EYA1: variants seen among roughly 807,000 people sequenced by gnomAD.
EYA1 encodes the protein protein phosphatase EYA1.
In EYA1, 16 loss-of-function variants were observed where a neutral mutation model predicts 82.0. That is an observed-to-expected ratio of 0.20 (90% CI 0.13 to 0.30). The LOEUF (loss-of-function observed/expected upper bound fraction) is 0.30. EYA1 is among the 10% of genes least tolerant of loss of function. The probability of loss-of-function intolerance (pLI) is 1.00; values close to 1 mark genes in which losing one functional copy is unlikely to be tolerated. For synonymous variants in EYA1, 261 were observed against 264.4 expected (o/e 0.99, Z 0.12); for missense variants, 633 against 730.7 (o/e 0.87, Z 1.54).
intron 9 of EYA1, among the ~76,000 whole-genome samples, chr8:71,276,682 T>G (rs1817216564): frequency 6.6e-6 from 1 of 152,204 alleles, no homozygotes; most frequent in Non-Finnish European, 1.5e-5. Context: ...AGGCTCGTCT[T>G]CCACCTATTT....
intron 2 of EYA1, among the ~76,000 whole-genome samples, chr8:71,356,196 T>C (rs1252999325): frequency 6.6e-6 from 1 of 152,168 alleles, no homozygotes; most frequent in Non-Finnish European, 1.5e-5. Flanking sequence ...TGGTCTAAAA[T>C]CCAATTTTTC....
chr8:71,260,956 T>C (rs1254972213), intron 11 of EYA1, among the ~76,000 whole-genome samples: 3 of 152,166 alleles, frequency 2.0e-5, no homozygotes, highest in African/African-American at 7.2e-5. Flanking sequence ...AAACAGGACC[T>C]GAATGTCATT....
intron 17 of EYA1, among the ~76,000 whole-genome samples, chr8:71,208,735 AAG>A (rs1554593137): frequency 8.8e-6 from 1 of 113,942 alleles, no homozygotes; most frequent in Admixed American, 8.6e-5. Flanking sequence ...TAATAAAAAA[AAG>A]AAAAAAAAAT....
intron 2 of EYA1, among the ~76,000 whole-genome samples, chr8:71,389,951 C>T (rs1016625087): frequency 3.9e-5 from 6 of 151,978 alleles, no homozygotes; most frequent in Admixed American, 6.6e-5. Context: ...CTGTTTGTAC[C>T]ACTATTGAAT....
chr8:71,439,419 C>T (rs1226340883), intron 2 of EYA1, among the ~76,000 whole-genome samples: 1 of 152,142 alleles, frequency 6.6e-6, no homozygotes, highest in Non-Finnish European at 1.5e-5. Context: ...GCAGTTCTAA[C>T]CTGGGGTTTG....
chr8:71,334,199 G>A lies in EYA1; in HGVS notation c.125-25C>T, dbSNP rs866633151. 15 of 1,496,354 alleles carry A rather than the reference G, an allele frequency of 1.0e-5. No individual in the cohort carries two copies. The Admixed American group carries it at 1.0e-4, about 10-fold the overall frequency. 92.7% of individuals were successfully genotyped at this position (1,496,354 alleles called of 1,614,324 possible). On this transcript the variant is annotated intron_variant, in intron 3 of 17. Coordinates refer to ENST00000340726, the MANE Select transcript of EYA1 (RefSeq NM_000503.6). ...ACTACAAAAATAAACAACATACATC[G>A]ATATTGAATTAATAGTTATTTGTAA...
intron 11 of EYA1, among the ~76,000 whole-genome samples, chr8:71,260,099 T>C (rs975716375): frequency 6.6e-6 from 1 of 152,218 alleles, no homozygotes; most frequent in Non-Finnish European, 1.5e-5. Context: ...ATTTTTAATG[T>C]AGCTCTAGTT....
chr8:71,402,692 CA>C (rs1293722226), intron 2 of EYA1, among the ~76,000 whole-genome samples: 3 of 152,016 alleles, frequency 2.0e-5, no homozygotes, highest in Non-Finnish European at 4.4e-5. Context: ...GACTGGACTT[CA>C]CAGATAATAC....
At chr8:71,251,805 G>A (rs1039639375) in intron 11 of EYA1, among the ~76,000 whole-genome samples, 1 of 148,244 alleles carries the variant, frequency 6.7e-6, no homozygotes, top group African/African-American at 2.6e-5. Context: ...CATCAACCCT[G>A]GTCCACTACC....
chr8:71,332,932 TA>T (rs1233192815), intron 4 of EYA1, among the ~76,000 whole-genome samples: 1 of 152,190 alleles, frequency 6.6e-6, no homozygotes, highest in African/African-American at 2.4e-5. Flanking sequence ...ACTCATTTTT[TA>T]AGACTGAGCA....
chr8:71,454,510 A>T (rs1019710995), intron 2 of EYA1, among the ~76,000 whole-genome samples: 9 of 152,168 alleles, frequency 5.9e-5, no homozygotes, highest in African/African-American at 2.2e-4. Context: ...ATTGACCACG[A>T]AGTTGGAAGT....
At chr8:71,207,205 T>TAAA (rs1585763248) in intron 17 of EYA1, among the ~76,000 whole-genome samples, 1 of 152,340 alleles carries the variant, frequency 6.6e-6, no homozygotes, top group East Asian at 1.9e-4. Context: ...TCCCATAGGT[T>TAAA]AAATATTAAG....
intron 2 of EYA1, among the ~76,000 whole-genome samples, chr8:71,412,464 A>G (rs1045121327): frequency 4.6e-5 from 7 of 152,130 alleles, no homozygotes; most frequent in African/African-American, 1.7e-4. Context: ...CTTAGATGCA[A>G]TAATAGTATG....
intron 7 of EYA1, among the ~76,000 whole-genome samples, chr8:71,308,123 T>C (rs570534451): frequency 6.6e-6 from 1 of 152,350 alleles, no homozygotes; most frequent in South Asian, 2.1e-4. Context: ...TGCCAGGTTA[T>C]GGTTTTCTAA....
upstream of EYA1, among the ~76,000 whole-genome samples, chr8:71,363,504 C>T (rs746314416): frequency 1.3e-5 from 2 of 152,122 alleles, no homozygotes; most frequent in Non-Finnish European, 2.9e-5. Context: ...ATGGGCTAGT[C>T]ATCTACCATA....
chr8:71,321,750 G>A lies in EYA1; in HGVS notation c.402C>T (p.Tyr134=), dbSNP rs778305743. ...GTTACTCACCATATGAGGAAATGCC[G>A]TACGGCTGTCCTGGCTGTGGGTACG... is the stretch of plus-strand genomic sequence containing the variant. ...YATYPQPGQP[Y]GISSYGALWA... is the part of the protein sequence containing the mutation. Residue 134 remains tyrosine (Y), a synonymous_variant, in exon 6 of 18, where the codon TAC becomes TAT. Coordinates refer to ENST00000340726, the MANE Select transcript of EYA1 (RefSeq NM_000503.6). 26 of 1,614,030 alleles carry A rather than the reference G, an allele frequency of 1.6e-5. No homozygotes were observed. The highest frequency in any genetic ancestry group is 7.7e-5 in the South Asian group (7 of 91,078).
At chr8:71,429,836 A>T (rs181655041) in intron 2 of EYA1, among the ~76,000 whole-genome samples, 16 of 152,298 alleles carry the variant, frequency 1.1e-4, no homozygotes, top group Admixed American at 9.1e-4. Context: ...GATGAACTAT[A>T]AATACAGCAT....
intron 2 of EYA1, among the ~76,000 whole-genome samples, chr8:71,417,121 C>T (rs757682790): frequency 1.3e-5 from 2 of 152,196 alleles, no homozygotes; most frequent in Non-Finnish European, 2.9e-5. Context: ...CCAGATTCTT[C>T]AGCTTTGGGA....
At chr8:71,274,738 G>A (rs1816924448) in intron 9 of EYA1, among the ~76,000 whole-genome samples, 1 of 152,220 alleles carries the variant, frequency 6.6e-6, no homozygotes, top group Non-Finnish European at 1.5e-5. Flanking sequence ...AGAACACAGA[G>A]GAAGTCCACA....
Sources: allele counts gnomAD v4.1 joint callset (sites outside exome capture counted in the v4.1 genomes callset), GRCh38; gene constraint gnomAD v4.1.1; transcripts MANE v1.5; gene names NCBI Gene and HGNC (gene_info 2026-07-23, HGNC 2026-07-21).